The following NCKAP5 variants were observed in gnomAD, a reference collection of about 807,000 sequenced individuals.
NCKAP5 encodes the protein nck-associated protein 5.
NCKAP5 carries 92 observed loss-of-function variants against 167.0 expected under a neutral mutation model. That is an observed-to-expected ratio of 0.55 (90% confidence interval 0.47 to 0.66). The LOEUF (loss-of-function observed/expected upper bound fraction) is 0.66. Ranked by LOEUF, NCKAP5 falls within the 30% of genes least tolerant of loss-of-function variation. NCKAP5 has a pLI of 0.00. For missense variants in NCKAP5, 2,378 were observed against 2,315.0 expected (o/e 1.03, Z -0.56); for synonymous variants, 891 against 877.4 (o/e 1.02, Z -0.27).
chr2:133,017,599 C>T (rs931687273), intron 6 of NCKAP5, among the ~76,000 whole-genome samples: 1 of 152,000 alleles, frequency 6.6e-6, no homozygotes, highest in Non-Finnish European at 1.5e-5. Flanking sequence ...AGCATTCTTG[C>T]CTGTAGATTC....
chr2:132,790,004 C>T lies in NCKAP5; in HGVS notation c.1092+19G>A, dbSNP rs368912640. On this transcript the variant is annotated intron_variant, in intron 13 of 19. Coordinates refer to ENST00000409261, the MANE Select transcript of NCKAP5 (RefSeq NM_207363.3). ...AAGAGGATTCTTTTCTGGTTCATTC[C>T]GATGCCACAGTGCCTTACCCTTTTC... The T allele has an allele frequency of 7.5e-5, 119 of 1,591,858 alleles. No individual in the cohort carries two copies. The highest frequency in any genetic ancestry group is 9.4e-5 in the Non-Finnish European group (109 of 1,165,078).
At chr2:133,562,742 G>A (rs749274313) in intron 1 of NCKAP5, among the ~76,000 whole-genome samples, 1 of 152,164 alleles carries the variant, frequency 6.6e-6, no homozygotes, top group East Asian at 1.9e-4. Context: ...TTTCTAAAAG[G>A]AGAGATCTGG....
intron 19 of NCKAP5, among the ~76,000 whole-genome samples, chr2:132,690,160 G>A (rs2105125895): frequency 6.6e-6 from 1 of 152,122 alleles, no homozygotes; most frequent in East Asian, 1.9e-4. Context: ...TGTGGAGTTG[G>A]TATGTCTCCC....
chr2:132,725,578 C>A, intron 19 of NCKAP5, 49 bp downstream of exon 19: 1 of 1,563,838 alleles, frequency 6.4e-7, no homozygotes, highest in African/African-American at 1.4e-5. Flanking sequence ...TAATCAGCGG[C>A]TTCCCAGAGA....
the NCKAP5 span, among the ~76,000 whole-genome samples, chr2:133,659,886 C>A: frequency 6.6e-6 from 1 of 151,928 alleles, no homozygotes; most frequent in Non-Finnish European, 1.5e-5. Flanking sequence ...TTTTAAAATG[C>A]ATATTATATA....
intron 4 of NCKAP5, among the ~76,000 whole-genome samples, chr2:133,247,552 G>A (rs780726297): frequency 2.0e-5 from 3 of 152,090 alleles, no homozygotes; most frequent in African/African-American, 4.8e-5. Context: ...AAGGTCTTAC[G>A]CTATTAAAAG....
chr2:133,523,615 C>T (rs2104784543), intron 2 of NCKAP5, among the ~76,000 whole-genome samples: 1 of 152,168 alleles, frequency 6.6e-6, no homozygotes, highest in South Asian at 2.1e-4. Flanking sequence ...GAGATAATGC[C>T]CCAGCAAGCT....
chr2:133,616,400 G>A, the NCKAP5 span, among the ~76,000 whole-genome samples: 164 of 152,240 alleles, frequency 1.1e-3, 1 homozygote, highest in Non-Finnish European at 1.6e-3. Flanking sequence ...TTGATAGACT[G>A]CTAGCAAGAC....
At chr2:133,407,257 G>T (rs1308292142) in intron 3 of NCKAP5, among the ~76,000 whole-genome samples, 1 of 152,200 alleles carries the variant, frequency 6.6e-6, no homozygotes, top group Non-Finnish European at 1.5e-5. Flanking sequence ...ACACAAAAGT[G>T]TTTGCTGTCA....
intron 11 of NCKAP5, among the ~76,000 whole-genome samples, chr2:132,855,931 G>A (rs537674162): frequency 6.6e-6 from 1 of 152,314 alleles, no homozygotes; most frequent in East Asian, 1.9e-4. Flanking sequence ...TTAGGGGGCT[G>A]AGGCAGGTGG....
intron 3 of NCKAP5, among the ~76,000 whole-genome samples, chr2:133,473,162 T>C (rs1285418124): frequency 6.6e-6 from 1 of 151,964 alleles, no homozygotes; most frequent in African/African-American, 2.4e-5. Flanking sequence ...TGAAACCCCA[T>C]CTCTACTAAA....
intron 8 of NCKAP5, among the ~76,000 whole-genome samples, chr2:132,948,719 G>A (rs1032631309): frequency 1.3e-5 from 2 of 152,116 alleles, no homozygotes; most frequent in Admixed American, 6.6e-5. Flanking sequence ...TGGGAACAAG[G>A]CCTCGTGGAA....
intron 6 of NCKAP5, among the ~76,000 whole-genome samples, chr2:133,063,073 G>C (rs888260924): frequency 6.6e-6 from 1 of 152,170 alleles, no homozygotes; most frequent in Non-Finnish European, 1.5e-5. Context: ...GGCACTAGCT[G>C]TACATATTAT....
rs1370948673 is a variant in NCKAP5, at chr2:132,933,290, A to G, written c.579+30430T>C. On this transcript the variant is annotated intron_variant, in intron 8 of 19. Coordinates refer to ENST00000409261, the MANE Select transcript of NCKAP5 (RefSeq NM_207363.3). Reference sequence around the variant, plus strand: ...TCAGTTATACACAACCATGGTTTGCACTATAAATATATGGTACCTCTCTGT... The same window carrying G: ...TCAGTTATACACAACCATGGTTTGCGCTATAAATATATGGTACCTCTCTGT... 3.9e-5 allele frequency among the ~76,000 whole-genome samples: 6 copies of G among 152,120 alleles called. No homozygotes were observed. The East Asian group carries it at 1.2e-3, about 29-fold the overall frequency.
At chr2:133,203,702 A>G (rs1270861453) in intron 5 of NCKAP5, among the ~76,000 whole-genome samples, 1 of 152,174 alleles carries the variant, frequency 6.6e-6, no homozygotes, top group Non-Finnish European at 1.5e-5. Context: ...AAGTGTCGGC[A>G]GTCCTGGAGT....
intron 11 of NCKAP5, among the ~76,000 whole-genome samples, chr2:132,849,226 G>GATCCAGCC (rs142212042): frequency 0.071 from 10,784 of 152,102 alleles, 752 homozygotes; most frequent in African/African-American, 0.16. Context: ...AGGATTCTGT[G>GATCCAGCC]ATCCAGCCAT....
chr2:132,740,309 A>G (rs1193304858), intron 16 of NCKAP5, among the ~76,000 whole-genome samples: 1 of 152,174 alleles, frequency 6.6e-6, no homozygotes, highest in Non-Finnish European at 1.5e-5. Flanking sequence ...GGTCATGTAA[A>G]TAAGTCTTTG....
intron 6 of NCKAP5, among the ~76,000 whole-genome samples, chr2:133,005,042 T>C (rs539229767): frequency 6.6e-6 from 1 of 152,334 alleles, no homozygotes; most frequent in East Asian, 1.9e-4. Context: ...TGTTATCCTG[T>C]TCTTTTCTAG....
chr2:133,611,495 A>T, the NCKAP5 span, among the ~76,000 whole-genome samples: 2,057 of 152,190 alleles, frequency 0.014, 47 homozygotes, highest in African/African-American at 0.047. Context: ...CTGTGTTTTC[A>T]CTTATTTGCT....
Sources: gnomAD v4.1 joint callset for allele counts (sites outside exome capture counted in the v4.1 genomes callset) on GRCh38, gnomAD v4.1.1 for gene constraint, MANE v1.5 for transcripts, NCBI Gene and HGNC (gene_info 2026-07-23, HGNC 2026-07-21) for gene names.